The following LGALS4 variants were observed in gnomAD, a reference collection of about 807,000 sequenced individuals.
The protein encoded by LGALS4 is galectin-4.
Under a neutral mutation model 39.6 loss-of-function variants are expected in LGALS4, and 37 were observed. The ratio of observed to expected loss-of-function variants is 0.93; its 90% CI spans 0.72 to 1.23. LGALS4 has a LOEUF of 1.23. LGALS4 is among the 50% of genes most tolerant of loss of function. The pLI is 0.00. For missense variants in LGALS4, 397 were observed against 433.2 expected, an observed-to-expected ratio of 0.92 and a Z score of 0.74; for synonymous variants, 160 against 165.5, an observed-to-expected ratio of 0.97 and a Z score of 0.25.
intron 4 of LGALS4, among the ~76,000 whole-genome samples, chr19:38,804,367 C>T (rs1427186144): frequency 6.6e-6 from 1 of 152,168 alleles, no homozygotes; most frequent in Non-Finnish European, 1.5e-5. Flanking sequence ...TCAACCTCTG[C>T]CTCCTGGGTT....
In LGALS4 at chr19:38,802,396, T is replaced by A; in HGVS notation, c.579A>T (p.Pro193=). 7 of 1,614,046 alleles carry A rather than the reference T, an allele frequency of 4.3e-6. No homozygotes were observed. The highest frequency in any genetic ancestry group is 5.9e-6 in the Non-Finnish European group (7 of 1,179,902). Residue 193 remains proline, a synonymous_variant, in exon 8 of 10, where the codon CCA becomes CCT. Transcript: ENST00000307751. The part of the protein sequence containing the change: ...EGPPTFNPPV[P]YFGRLQGGLT... ...GCCCTCCTTGCAGCCTCCCGAAATA[T>A]GGCACAGGCTGTGGGAAGAGAACGG...
Position 38,803,784 on chromosome 19 carries a change from A to C in LGALS4, c.502-4T>G. ...GTTGATGGCAATGTCCGGGACCCTG[A>C]ACGATGGACAGAAGGCAGGAAGGGT... On this transcript the variant is annotated splice_region_variant and splice_polypyrimidine_tract_variant and intron_variant, in intron 5 of 9. Coordinates refer to ENST00000307751, the MANE Select transcript of LGALS4 (RefSeq NM_006149.4). 1 of 1,613,642 alleles carries C rather than the reference A, an allele frequency of 6.2e-7. No individual in the cohort carries two copies. The highest frequency in any genetic ancestry group is 1.3e-5 in the African/African-American group (1 of 74,944).
chr19:38,810,620 C>T (rs1198669416), intron 2 of LGALS4, among the ~76,000 whole-genome samples: 5 of 152,048 alleles, frequency 3.3e-5, no homozygotes, highest in Non-Finnish European at 5.9e-5. Flanking sequence ...TCTCTGCCTC[C>T]CAAAGTGCTG....
At chr19:38,803,930 G>C in intron 4 of LGALS4, 35 bp from the exon 5 acceptor site, 1 of 1,590,208 alleles carries the variant, frequency 6.3e-7, no homozygotes, top group Non-Finnish European at 8.6e-7. Context: ...GTTATGAGAG[G>C]GTCCCCAGAT....
intron 4 of LGALS4, among the ~76,000 whole-genome samples, chr19:38,804,938 C>T (rs1971404685): frequency 6.6e-6 from 1 of 151,828 alleles, no homozygotes. Flanking sequence ...GGTGGATCAC[C>T]TGAGGTCAGG....
chr19:38,803,357 A>C, intron 7 of LGALS4, 165 bp downstream of exon 7: 1 of 673,546 alleles, frequency 1.5e-6, no homozygotes, highest in South Asian at 1.9e-5. Context: ...CTCCTGGAAA[A>C]CATCCCCAAT....
chr19:38,808,623 CAAAAAAAA>C, intron 3 of LGALS4, 113 bp downstream of exon 3: 6 of 538,086 alleles, frequency 1.1e-5, no homozygotes, highest in East Asian at 3.7e-5. Context: ...AACTCCATCT[CAAAAAAAA>C]AAAAAAAAAA....
In LGALS4 at chr19:38,806,582, C is replaced by G. The variant is rs1256661791; in HGVS notation, c.353G>C (p.Gly118Ala). ...GTGCCCGTACTCATAGAAGGGATTT[C>G]CATTTACCACCACCTGGAGGGCAGA... ...LAEHYKVVVN[G>A]NPFYEYGHRL... The change falls in exon 4 of 10, where the codon GGA becomes GCA. Residue 118 changes from glycine to alanine, a missense_variant. By Grantham distance (60) the Gly-to-Ala change is moderately conservative (BLOSUM62 0). Coordinates refer to ENST00000307751, the MANE Select transcript of LGALS4 (RefSeq NM_006149.4). The G allele has an allele frequency of 6.2e-7, 1 of 1,613,814 alleles. No individual in the cohort carries two copies. The highest frequency in any genetic ancestry group is 1.1e-5 in the South Asian group (1 of 91,064).
In LGALS4 at chr19:38,812,433, C is replaced by A. The variant is rs779305569; in HGVS notation, c.132G>T (p.Lys44Asn). 1.2e-6 allele frequency: 2 copies of A among 1,613,978 alleles called. No homozygotes were observed. The highest frequency in any genetic ancestry group is 8.5e-7 in the Non-Finnish European group (1 of 1,179,896). ...YIQGVASEHM[K>N]RFFVNFVVGQ... ...GCCTGGCTTGGGGAGGGTCTTACCG[C>A]TTCATGTGCTCGCTGGCCACTCCTT... The change falls in exon 2 of 10, where the codon AAG becomes AAT. Residue 44 changes from lysine to asparagine, a missense_variant and splice_region_variant. Coordinates refer to ENST00000307751, the MANE Select transcript of LGALS4 (RefSeq NM_006149.4).
chr19:38,803,303 C>T, intron 7 of LGALS4: 1 of 601,718 alleles, frequency 1.7e-6, no homozygotes, highest in Non-Finnish European at 3.0e-6. Context: ...AGGCGTGAGC[C>T]ACCATGTCCA....
At position 38,803,725 on chromosome 19, in the gene LGALS4, C is replaced by T; in HGVS notation, c.540+17G>A. 1 of 1,611,906 alleles carries T rather than the reference C, an allele frequency of 6.2e-7. No homozygotes were observed. The highest frequency in any genetic ancestry group is 8.5e-7 in the Non-Finnish European group (1 of 1,179,108). ...TTCCCACTCCTCACCCGGGGCCCTCCCAGCCCTCCCACTCACGGGCAGGCT... is the reference window on the plus strand; with the variant it reads ...TTCCCACTCCTCACCCGGGGCCCTCTCAGCCCTCCCACTCACGGGCAGGCT... On this transcript the variant is annotated intron_variant, in intron 6 of 9. Transcript: ENST00000307751.
Position 38,812,440 on chromosome 19 carries a change from T to G in LGALS4, c.125A>C (p.His42Pro). 1 of 1,614,108 alleles carries G rather than the reference T, an allele frequency of 6.2e-7. No individual in the cohort carries two copies. Among genetic ancestry groups the G allele is most frequent in the South Asian group, 1.1e-5 (1 of 91,080 alleles). Residue 42 changes from histidine (H) to proline (P), a missense_variant, in exon 2 of 10, where the codon CAC becomes CCC. His to Pro is a moderately conservative substitution (Grantham distance 77). Coordinates refer to ENST00000307751, the MANE Select transcript of LGALS4 (RefSeq NM_006149.4). ...SVYIQGVASEHMKRFFVNFVV... is the reference protein window; with the variant it reads ...SVYIQGVASEPMKRFFVNFVV... ...TTGGGGAGGGTCTTACCGCTTCATG[T>G]GCTCGCTGGCCACTCCTTGGATGTA...
chr19:38,806,367 CAA>C, intron 4 of LGALS4, 92 bp downstream of exon 4: 2 of 1,245,132 alleles, frequency 1.6e-6, no homozygotes, highest in Non-Finnish European at 2.2e-6. Flanking sequence ...GACTCCGTCT[CAA>C]AAAAAAAAGA....
chr19:38,801,759 ATAGAT>A lies in LGALS4; in HGVS notation c.972_*4del, dbSNP rs767323404. 1.2e-6 allele frequency: 2 copies of A among 1,613,930 alleles called. No individual in the cohort carries two copies. The highest frequency in any genetic ancestry group is 2.7e-5 in the African/African-American group (2 of 74,918). Reference sequence around the variant, plus strand: ...TTTCCCATGAGTTATGGCCCCAGGAATAGATTAGATCTGGACATAGGACAAGGTGA... The same window carrying A: ...TTTCCCATGAGTTATGGCCCCAGGAATAGATCTGGACATAGGACAAGGTGA... On this transcript the variant is annotated stop_lost and 3_prime_UTR_variant, in exon 10 of 10. Coordinates refer to ENST00000307751, the MANE Select transcript of LGALS4 (RefSeq NM_006149.4).
At chr19:38,812,615 G>A in intron 1 of LGALS4, 96 bp from the exon 2 acceptor site, 2 of 1,198,796 alleles carry the variant, frequency 1.7e-6, no homozygotes, top group Non-Finnish European at 2.4e-6. Context: ...AAGCAGGAGA[G>A]AGGAAACCAT....
intron 7 of LGALS4, among the ~76,000 whole-genome samples, 157 bp from the exon 8 acceptor site, chr19:38,802,561 C>G (rs1026039929): frequency 6.6e-6 from 1 of 152,154 alleles, no homozygotes; most frequent in Non-Finnish European, 1.5e-5. Flanking sequence ...GTGGCATGAT[C>G]AAGCCTCACT....
intron 3 of LGALS4, among the ~76,000 whole-genome samples, chr19:38,807,261 C>T (rs180993451): frequency 6.3e-4 from 95 of 151,964 alleles, no homozygotes; most frequent in Non-Finnish European, 9.9e-4. Flanking sequence ...CCAGCTACTC[C>T]GGAGGCTAAT....
Position 38,812,490 on chromosome 19 carries a change from G to T in LGALS4, c.75C>A (p.Gly25=). Residue 25 remains glycine (G), a synonymous_variant, in exon 2 of 10, where the codon GGC becomes GGA. Coordinates refer to ENST00000307751, the MANE Select transcript of LGALS4 (RefSeq NM_006149.4). Reference sequence around the variant, plus strand: ...AAACAGACATTCCCACGTTGAGCCCGCCCGGGATGGGCTGGTAGTAAGGCA... The same window carrying T: ...AAACAGACATTCCCACGTTGAGCCCTCCCGGGATGGGCTGGTAGTAAGGCA... The part of the protein sequence containing the change: ...PTLPYYQPIP[G]GLNVGMSVYI... 4 of 1,614,176 alleles carry T rather than the reference G, an allele frequency of 2.5e-6. No individual in the cohort carries two copies. The highest frequency in any genetic ancestry group is 1.7e-6 in the Non-Finnish European group (2 of 1,180,022).
rs968949522 is a variant in LGALS4 at position 38,812,631 on chromosome 19, A to T, written c.46-112T>A. The T allele has an allele frequency of 3.8e-6, 4 of 1,064,492 alleles. No homozygotes were observed. The African/African-American group carries it at 6.3e-5, about 17-fold the overall frequency. 65.9% of individuals were successfully genotyped at this position (1,064,492 alleles called of 1,614,324 possible). ...AGCAGGAGAGAGGAAACCATGGGGG[A>T]GGACCAGGTTGAAGATGACGAGGGC... is the stretch of plus-strand genomic sequence containing the variant. On this transcript the variant is annotated intron_variant, in intron 1 of 9. Coordinates refer to ENST00000307751, the MANE Select transcript of LGALS4 (RefSeq NM_006149.4).
Sources: allele counts gnomAD v4.1 joint callset (sites outside exome capture counted in the v4.1 genomes callset), GRCh38; gene constraint gnomAD v4.1.1; transcripts MANE v1.5; gene names NCBI Gene and HGNC (gene_info 2026-07-23, HGNC 2026-07-21).